The following CSGALNACT1 variants were observed in gnomAD, a reference collection of about 807,000 sequenced individuals.
The protein encoded by CSGALNACT1 is chondroitin sulfate N-acetylgalactosaminyltransferase 1.
In CSGALNACT1, 52 loss-of-function variants were observed where a neutral mutation model predicts 51.0. That is an observed-to-expected ratio of 1.02 (90% CI 0.82 to 1.29). CSGALNACT1 has a LOEUF of 1.29. Ranked by LOEUF, CSGALNACT1 falls within the 50% of genes most tolerant of loss-of-function variation. The pLI is 0.00. For synonymous variants in CSGALNACT1, 341 were observed against 254.4 expected, an observed-to-expected ratio of 1.34 and a Z score of -3.24; for missense variants, 935 against 679.2, an observed-to-expected ratio of 1.38 and a Z score of -4.19.
rs570762408 is a variant in CSGALNACT1 at position 19,513,288 on chromosome 8, T to C, written c.-296-7158A>G. Among the ~76,000 whole-genome samples the C allele has an allele frequency of 4.6e-5, 7 of 151,602 alleles. No individual in the cohort carries two copies. In the East Asian group the frequency reaches 1.4e-3, roughly 30 times the overall value. On this transcript the variant is annotated intron_variant, in intron 3 of 9. Transcript: ENST00000454498. ...GGAGAAAAGAGGACAGCAAAGGTCT[T>C]AAGATCAAAGGAAAATACCGCAAAA...
At chr8:19,474,698 G>A (rs138254795) in intron 4 of CSGALNACT1, among the ~76,000 whole-genome samples, 3,660 of 151,638 alleles carry the variant, frequency 0.024, 77 homozygotes, top group Non-Finnish European at 0.035. Context: ...GCAAAACCCC[G>A]TCTTTACTAA....
rs766979452 is a variant in CSGALNACT1 at position 19,681,560 on chromosome 8, G to A, written c.-544+913C>T. On this transcript the variant is annotated intron_variant, in intron 1 of 9. Coordinates refer to the CSGALNACT1 transcript ENST00000332246. ...TCTGCATCAGGTAAGTGGTAAATCT[G>A]CAGGCGACATACTGCCCAAATCTAA... Among the ~76,000 whole-genome samples the A allele has an allele frequency of 5.5e-4, 84 of 152,210 alleles. 1 individual carries two copies. Among genetic ancestry groups the A allele is most frequent in the Non-Finnish European group, 9.7e-4 (66 of 68,032 alleles).
chr8:19,653,789 CCTTGT>C (rs1348994397), intron 1 of CSGALNACT1, among the ~76,000 whole-genome samples: 1 of 120,942 alleles, frequency 8.3e-6, no homozygotes, highest in African/African-American at 2.9e-5. Context: ...ATGAATGATA[CCTTGT>C]CTTAAAAAAA....
chr8:19,517,006 T>G (rs917030854), intron 3 of CSGALNACT1, among the ~76,000 whole-genome samples: 2 of 152,226 alleles, frequency 1.3e-5, no homozygotes, highest in African/African-American at 4.8e-5. Flanking sequence ...TGGTTGGTTT[T>G]TAGTTGAGAT....
At chr8:19,430,143 T>C (rs192226353) in intron 6 of CSGALNACT1, among the ~76,000 whole-genome samples, 1 of 152,226 alleles carries the variant, frequency 6.6e-6, no homozygotes, top group Non-Finnish European at 1.5e-5. Context: ...AAATATTTTA[T>C]CCCATTATAT....
chr8:19,528,472 G>A (rs750915979), intron 3 of CSGALNACT1, among the ~76,000 whole-genome samples: 25 of 152,152 alleles, frequency 1.6e-4, no homozygotes, highest in East Asian at 7.7e-4. Context: ...CATGTCACCC[G>A]CAAAATACCA....
chr8:19,599,839 C>T (rs1202975221), intron 2 of CSGALNACT1, among the ~76,000 whole-genome samples: 1 of 152,206 alleles, frequency 6.6e-6, no homozygotes, highest in Non-Finnish European at 1.5e-5. Flanking sequence ...AACCAACGTG[C>T]ACATTGAGAA....
At chr8:19,686,272 A>G (rs1485494661), upstream of CSGALNACT1, among the ~76,000 whole-genome samples, 4 of 152,298 alleles carry the variant, frequency 2.6e-5, no homozygotes, top group East Asian at 7.7e-4. Context: ...GACTCTTGAT[A>G]ACAACGGATG....
At chr8:19,423,730 T>G (rs888427791) in intron 6 of CSGALNACT1, among the ~76,000 whole-genome samples, 1 of 152,180 alleles carries the variant, frequency 6.6e-6, no homozygotes, top group Non-Finnish European at 1.5e-5. Flanking sequence ...GGCAAATGGA[T>G]GCTGGGGAAC....
intron 1 of CSGALNACT1, among the ~76,000 whole-genome samples, chr8:19,619,253 G>A (rs775666281): frequency 1.3e-5 from 2 of 148,242 alleles, no homozygotes; most frequent in Non-Finnish European, 3.0e-5. Context: ...AGGGTCGGGG[G>A]GGGGTGGGCC....
At position 19,474,103 on chromosome 8, in the gene CSGALNACT1, G is replaced by T. The variant is rs191688825; in HGVS notation, c.635-15461C>A. ...GCCATTACAATAAATAATAACAATG[G>T]TCCAGATCCATGGAGCTTCTGATGA... On this transcript the variant is annotated intron_variant, in intron 4 of 9. Transcript: ENST00000454498. Among the ~76,000 whole-genome samples the T allele has an allele frequency of 1.6e-3, 240 of 152,132 alleles. 2 individuals carry two copies. Among genetic ancestry groups the T allele is most frequent in the African/African-American group, 5.3e-3 (222 of 41,520 alleles).
chr8:19,498,120 A>T (rs2075789060), intron 4 of CSGALNACT1, among the ~76,000 whole-genome samples: 1 of 152,062 alleles, frequency 6.6e-6, no homozygotes, highest in Non-Finnish European at 1.5e-5. Context: ...TGACAAAATA[A>T]ACTTTCTAAA....
rs1564404826 is a variant in CSGALNACT1, at chr8:19,676,083, T to TAAAAAAAAAAAAA, written c.-544+6389_-544+6390insTTTTTTTTTTTTT. 1.5e-3 allele frequency among the ~76,000 whole-genome samples: 87 copies of TAAAAAAAAAAAAA among 59,130 alleles called. 1 individual carries two copies. Among genetic ancestry groups the TAAAAAAAAAAAAA allele is most frequent in the African/African-American group, 3.9e-3 (83 of 21,324 alleles). 38.8% of individuals were successfully genotyped at this position (59,130 alleles called of 152,430 possible). On this transcript the variant is annotated intron_variant, in intron 1 of 9. Transcript: ENST00000332246. ...CCACGATGGATGGTGGTTGTCTGAT[T>TAAAAAAAAAAAAA]TAAAAAACAAAACAAAACAAAAAAA...
intron 1 of CSGALNACT1, among the ~76,000 whole-genome samples, chr8:19,620,962 A>G (rs1429381541): frequency 6.6e-6 from 1 of 152,166 alleles, no homozygotes; most frequent in Non-Finnish European, 1.5e-5. Flanking sequence ...GGAATCATCT[A>G]TTTTGCATTC....
At chr8:19,747,258 CA>C (rs11376280) in intron 1 of CSGALNACT1, among the ~76,000 whole-genome samples, 21 of 144,536 alleles carry the variant, frequency 1.5e-4, no homozygotes, top group Admixed American at 2.1e-4. Context: ...GGAGAGAAAG[CA>C]AAAAAAAAAG....
intron 2 of CSGALNACT1, among the ~76,000 whole-genome samples, chr8:19,598,923 A>C (rs557079795): frequency 6.6e-6 from 1 of 152,284 alleles, no homozygotes; most frequent in East Asian, 1.9e-4. Context: ...GCCTTATAAG[A>C]GCCAGGCACT....
chr8:19,653,804 A>G (rs2058035500), intron 1 of CSGALNACT1, among the ~76,000 whole-genome samples: 1 of 151,838 alleles, frequency 6.6e-6, no homozygotes, highest in Non-Finnish European at 1.5e-5. Flanking sequence ...TCTTAAAAAA[A>G]AAAAAAATCT....
chr8:19,479,762 G>GA (rs559544868), intron 4 of CSGALNACT1, among the ~76,000 whole-genome samples: 22 of 87,932 alleles, frequency 2.5e-4, no homozygotes, highest in Non-Finnish European at 3.7e-4. Flanking sequence ...TCTTGACTTA[G>GA]AAAAAAAAAA....
intron 2 of CSGALNACT1, among the ~76,000 whole-genome samples, chr8:19,596,332 T>G (rs1441769214): frequency 2.6e-5 from 4 of 152,264 alleles, no homozygotes; most frequent in African/African-American, 9.6e-5. Context: ...AAAGGACTGT[T>G]AGTGTGATGA....
Sources: allele counts gnomAD v4.1 joint callset (sites outside exome capture counted in the v4.1 genomes callset), GRCh38; gene constraint gnomAD v4.1.1; transcripts MANE v1.5; gene names NCBI Gene and HGNC (gene_info 2026-07-23, HGNC 2026-07-21).